The following TTC6 variants were observed in gnomAD, a reference collection of about 807,000 sequenced individuals.
TTC6 encodes the protein tetratricopeptide repeat domain 6, also known as tetratricopeptide repeat protein 6.
A neutral mutation model predicts 210.4 loss-of-function variants in TTC6; 172 were observed. The observed-to-expected ratio is 0.82, with a 90% confidence interval of 0.72 to 0.93. The LOEUF is 0.93. TTC6 is among the 40% of genes least tolerant of loss of function. TTC6 has a pLI of 0.00. For missense variants in TTC6, 2,414 were observed against 2,318.1 expected, an observed-to-expected ratio of 1.04 and a Z score of -0.85; for synonymous variants, 804 against 819.6, an observed-to-expected ratio of 0.98 and a Z score of 0.32.
At chr14:37,768,504 A>G (rs2096006685) in intron 14 of TTC6, among the ~76,000 whole-genome samples, 2 of 152,146 alleles carry the variant, frequency 1.3e-5, no homozygotes, top group Admixed American at 6.5e-5. Flanking sequence ...TTCTCCTTGA[A>G]GAGGTCTTTC....
At chr14:37,631,792 T>C (rs1186155305) in intron 1 of TTC6, among the ~76,000 whole-genome samples, 7 of 152,220 alleles carry the variant, frequency 4.6e-5, no homozygotes, top group African/African-American at 1.7e-4. Flanking sequence ...CCCGTATTTC[T>C]TGGAGGCTTT....
At chr14:37,806,458 G>A (rs2096118765) in exon 22 of TTC6, 11 of 1,535,340 alleles carry the variant, frequency 7.2e-6, no homozygotes, top group Admixed American at 2.0e-5. Flanking sequence ...CACAAGGATA[G>A]CTCGATTCTG....
chr14:37,622,862 G>A (rs1566845409), exon 1 of TTC6: 2 of 1,534,568 alleles, frequency 1.3e-6, no homozygotes, highest in Non-Finnish European at 1.7e-6. Context: ...CCTGGCAGGC[G>A]CTGCTGCCCT....
At chr14:37,643,279 G>A (rs183532364) in intron 1 of TTC6, among the ~76,000 whole-genome samples, 43 of 152,298 alleles carry the variant, frequency 2.8e-4, no homozygotes, top group South Asian at 1.9e-3. Flanking sequence ...TTGCACTCCA[G>A]CCTGGGTGAC....
At chr14:37,692,386 T>C (rs2095805572) in intron 3 of TTC6, among the ~76,000 whole-genome samples, 1 of 151,746 alleles carries the variant, frequency 6.6e-6, no homozygotes, top group African/African-American at 2.4e-5. Flanking sequence ...GCAAGGATGG[T>C]TCAACATATG....
Position 37,600,302 on chromosome 14 carries a change from T to C in TTC6, c.-235+4294T>C, listed in dbSNP as rs1446488033. ...ACCTGGGCGAGGGTAGGTCAGGACC[T>C]CCATTCCTCTCCATCAGCAGAAGCC... On this transcript the variant is annotated intron_variant, in intron 1 of 2. Transcript: ENST00000556845. Among the ~76,000 whole-genome samples the C allele has an allele frequency of 3.9e-5, 6 of 152,192 alleles. No homozygotes were observed. In the East Asian group the frequency reaches 1.2e-3, roughly 29 times the overall value.
chr14:37,658,234 C>T (rs1446092463), intron 1 of TTC6, among the ~76,000 whole-genome samples: 1 of 152,130 alleles, frequency 6.6e-6, no homozygotes. Context: ...TATAAAAGAA[C>T]TGTTCTTAGC....
chr14:37,726,932 T>TATTCCTATC (rs2095874141), intron 7 of TTC6, among the ~76,000 whole-genome samples: 1 of 152,072 alleles, frequency 6.6e-6, no homozygotes, highest in Non-Finnish European at 1.5e-5. Context: ...TCCTTTCTGA[T>TATTCCTATC]GGTGTTTCTG....
chr14:37,707,674 AG>A (rs2095838003), intron 5 of TTC6, among the ~76,000 whole-genome samples: 1 of 152,132 alleles, frequency 6.6e-6, no homozygotes, highest in African/African-American at 2.4e-5. Context: ...CTTTCTCAAA[AG>A]GATGTTCTTC....
chr14:37,822,859 A>G (rs1482300917), intron 26 of TTC6, among the ~76,000 whole-genome samples: 1 of 152,182 alleles, frequency 6.6e-6, no homozygotes, highest in Non-Finnish European at 1.5e-5. Context: ...TTTCTGTGCC[A>G]TAATTTTCCT....
chr14:37,798,481 C>T (rs959799431), intron 20 of TTC6, among the ~76,000 whole-genome samples: 11 of 151,798 alleles, frequency 7.2e-5, no homozygotes, highest in African/African-American at 2.4e-4. Context: ...GCTGAACTTG[C>T]TTATTATTTC....
chr14:37,819,895 T>C (rs1045877087), intron 26 of TTC6, among the ~76,000 whole-genome samples: 31 of 152,216 alleles, frequency 2.0e-4, no homozygotes, highest in African/African-American at 7.5e-4. Context: ...TCACAGAACG[T>C]CGTAAGTAGA....
At chr14:37,658,911 C>T (rs919060948) in intron 1 of TTC6, among the ~76,000 whole-genome samples, 2 of 151,950 alleles carry the variant, frequency 1.3e-5, no homozygotes, top group African/African-American at 4.8e-5. Flanking sequence ...TTTTTCTGCT[C>T]CTCTCCCTCC....
rs148947421 is a variant in TTC6, at chr14:37,663,411, A to G, written c.940-16740A>G. Among the ~76,000 whole-genome samples, 7 of 152,322 alleles carry G rather than the reference A, an allele frequency of 4.6e-5. No homozygotes were observed. The East Asian group carries it at 9.7e-4, about 21-fold the overall frequency. Reference sequence around the variant, plus strand: ...AAACTCAAATGATGTTTTTGAGAATATATCTGTGCTTTCACTCTAAAATTT... The same window carrying G: ...AAACTCAAATGATGTTTTTGAGAATGTATCTGTGCTTTCACTCTAAAATTT... On this transcript the variant is annotated intron_variant, in intron 1 of 30. Coordinates refer to ENST00000553443, the Ensembl canonical transcript of TTC6.
chr14:37,817,720 T>C, intron 26 of TTC6, 69 bp downstream of exon 28: 1 of 1,444,930 alleles, frequency 6.9e-7, no homozygotes, highest in Non-Finnish European at 9.7e-7. Flanking sequence ...TATCACCCCA[T>C]AAACAAGCCA....
At chr14:37,650,710 G>T (rs2095709693) in intron 1 of TTC6, among the ~76,000 whole-genome samples, 1 of 152,112 alleles carries the variant, frequency 6.6e-6, no homozygotes, top group Non-Finnish European at 1.5e-5. Context: ...ATAACAGCTT[G>T]CTTTTTTTTC....
chr14:37,787,420 A>G (rs949995301), intron 14 of TTC6, 48 bp from the exon 17 acceptor site: 40 of 1,272,884 alleles, frequency 3.1e-5, no homozygotes, highest in Non-Finnish European at 3.6e-5. Flanking sequence ...CCAAAAAGAG[A>G]AAATGTATAC....
chr14:37,651,883 A>G (rs1382091673), intron 1 of TTC6, among the ~76,000 whole-genome samples: 1 of 152,192 alleles, frequency 6.6e-6, no homozygotes, highest in African/African-American at 2.4e-5. Context: ...CTGGAGAGGC[A>G]GGCAGTGGTC....
intron 26 of TTC6, among the ~76,000 whole-genome samples, chr14:37,818,677 A>G (rs934515954): frequency 6.6e-6 from 1 of 152,048 alleles, no homozygotes; most frequent in East Asian, 1.9e-4. Flanking sequence ...GCAGAGTAAT[A>G]CCATAACTGG....
Sources: allele counts gnomAD v4.1 joint callset (sites outside exome capture counted in the v4.1 genomes callset), GRCh38; gene constraint gnomAD v4.1.1; transcripts MANE v1.5; gene names NCBI Gene and HGNC (gene_info 2026-07-23, HGNC 2026-07-21).